UBE2W: variants seen among roughly 807,000 people sequenced by gnomAD.
UBE2W encodes the protein ubiquitin conjugating enzyme E2 W.
In UBE2W, 18 loss-of-function variants were observed where a neutral mutation model predicts 27.2. The ratio of observed to expected loss-of-function variants is 0.66; its 90% confidence interval spans 0.46 to 0.98. The LOEUF is 0.98. UBE2W is among the 50% of genes least tolerant of loss of function. UBE2W has a pLI of 0.00. For synonymous variants in UBE2W, 53 were observed against 57.2 expected (o/e 0.93, Z 0.33); for missense variants, 90 against 180.2 (o/e 0.50, Z 2.87).
At chr8:73,856,357 ATTTTTTT>A (rs34593904) in intron 1 of UBE2W, among the ~76,000 whole-genome samples, 1 of 89,344 alleles carries the variant, frequency 1.1e-5, no homozygotes, top group Non-Finnish European at 2.0e-5. Flanking sequence ...ACACTTATGA[ATTTTTTT>A]TTTTTTTTTT....
chr8:73,785,922 G>A (rs1807941631), downstream of UBE2W, among the ~76,000 whole-genome samples: 1 of 152,178 alleles, frequency 6.6e-6, no homozygotes, highest in African/African-American at 2.4e-5. Flanking sequence ...TTGATAATCA[G>A]AAACTATCTG....
chr8:73,842,155 A>G (rs572419577), intron 1 of UBE2W, among the ~76,000 whole-genome samples: 1 of 152,304 alleles, frequency 6.6e-6, no homozygotes, highest in South Asian at 2.1e-4. Flanking sequence ...TTCACTGTAA[A>G]CAAAATCTAG....
At chr8:73,804,327 C>T (rs1174876270) in intron 5 of UBE2W, among the ~76,000 whole-genome samples, 4 of 149,884 alleles carry the variant, frequency 2.7e-5, no homozygotes, top group African/African-American at 9.8e-5. Context: ...AGGCAATACT[C>T]TTATGTATAC....
At chr8:73,814,187 C>G (rs1347866188) in intron 3 of UBE2W, among the ~76,000 whole-genome samples, 2 of 152,270 alleles carry the variant, frequency 1.3e-5, no homozygotes, top group African/African-American at 2.4e-5. Context: ...AGTTTTTTAA[C>G]TCAGTCAAGT....
Position 73,787,368 on chromosome 8 carries a change from TTAAAC to T in UBE2W, c.*6729_*6733del, listed in dbSNP as rs564038561. On this transcript the variant is annotated 3_prime_UTR_variant, in exon 6 of 6. Coordinates refer to ENST00000602593, the MANE Select transcript of UBE2W (RefSeq NM_018299.6). Reference sequence around the variant, plus strand: ...AACAGAGTCACTTATCCAGGGTAGCTTAAACTAATGGAGAAAAGTCAAATCCTACT... The same window carrying T: ...AACAGAGTCACTTATCCAGGGTAGCTTAATGGAGAAAAGTCAAATCCTACT... 32 of 985,364 alleles carry T rather than the reference TTAAAC, an allele frequency of 3.2e-5. No individual in the cohort carries two copies. The East Asian group carries it at 1.6e-3, about 49-fold the overall frequency. 61.0% of individuals were successfully genotyped at this position (985,364 alleles called of 1,614,324 possible).
In UBE2W at chr8:73,786,605, T is replaced by C; in HGVS notation, c.*7497A>G. 1.0e-6 allele frequency: 1 copy of C among 985,422 alleles called. No homozygotes were observed. Among genetic ancestry groups the C allele is most frequent in the Non-Finnish European group, 1.2e-6 (1 of 829,936 alleles). 61.0% of individuals were successfully genotyped at this position (985,422 alleles called of 1,614,324 possible). ...ACCTTTCAGGTAGAAACGCAGATCA[T>C]GAACATTCTAGGAGGGAAGAACATT... On this transcript the variant is annotated 3_prime_UTR_variant, in exon 6 of 6. Coordinates refer to ENST00000602593, the MANE Select transcript of UBE2W (RefSeq NM_018299.6).
intron 1 of UBE2W, among the ~76,000 whole-genome samples, chr8:73,847,552 A>T (rs1045116241): frequency 6.6e-6 from 1 of 152,216 alleles, no homozygotes; most frequent in African/African-American, 2.4e-5. Flanking sequence ...TAGCAGCATT[A>T]TATGTGACCA....
chr8:73,794,522 T>C (rs893027097), intron 5 of UBE2W, among the ~76,000 whole-genome samples: 2 of 152,186 alleles, frequency 1.3e-5, no homozygotes, highest in African/African-American at 4.8e-5. Context: ...CAATTTGTCT[T>C]TAGACTGTGA....
rs1586489787 is a variant in UBE2W at position 73,830,238 on chromosome 8, GCA to G, written c.107+141_107+142del. ...AACAAAATTGATTATATATATAAAT[GCA>G]CAGAATAAGATCTGTTTACTCTATT... On this transcript the variant is annotated intron_variant, in intron 2 of 5. Transcript: ENST00000602593. 6 of 554,656 alleles carry G rather than the reference GCA, an allele frequency of 1.1e-5. No individual in the cohort carries two copies. The East Asian group carries it at 1.9e-4, about 17-fold the overall frequency. 34.4% of individuals were successfully genotyped at this position (554,656 alleles called of 1,614,324 possible).
At chr8:73,820,728 C>A (rs370272827) in intron 3 of UBE2W, among the ~76,000 whole-genome samples, 49 of 151,084 alleles carry the variant, frequency 3.2e-4, no homozygotes, top group African/African-American at 1.2e-3. Flanking sequence ...GGCAACAGAG[C>A]GAGACTCTGT....
chr8:73,837,921 A>G (rs189568085), intron 1 of UBE2W, among the ~76,000 whole-genome samples: 4 of 152,140 alleles, frequency 2.6e-5, no homozygotes, highest in African/African-American at 7.2e-5. Flanking sequence ...TCATTCCAGA[A>G]GAGGCTGTTT....
intron 2 of UBE2W, among the ~76,000 whole-genome samples, chr8:73,827,299 C>T (rs1247353123): frequency 1.3e-5 from 2 of 152,050 alleles, no homozygotes; most frequent in Non-Finnish European, 2.9e-5. Flanking sequence ...CCGCAACCTC[C>T]GCCTCCTGGG....
intron 3 of UBE2W, 103 bp from the exon 4 acceptor site, chr8:73,810,732 C>A (rs1809116959): frequency 2.2e-6 from 2 of 912,178 alleles, no homozygotes; most frequent in Non-Finnish European, 3.0e-6. Context: ...AAACAAAAAA[C>A]CACCAAAATC....
In UBE2W at chr8:73,787,548, G is replaced by C; in HGVS notation, c.*6554C>G. On this transcript the variant is annotated 3_prime_UTR_variant, in exon 6 of 6. Transcript: ENST00000602593. ...ACATGATCGTTTTTATGGCAGAATG[G>C]CTGCCTCAATGAGGACTAAGGTGCT... 1.0e-6 allele frequency: 1 copy of C among 985,416 alleles called. No homozygotes were observed. The highest frequency in any genetic ancestry group is 4.7e-5 in the South Asian group (1 of 21,286). 61.0% of individuals were successfully genotyped at this position (985,416 alleles called of 1,614,324 possible). A position where few individuals can be genotyped will look rare whatever the true frequency, so the allele number is the denominator to read the frequency against.
intron 1 of UBE2W, among the ~76,000 whole-genome samples, chr8:73,864,630 G>A (rs2130979079): frequency 6.6e-6 from 1 of 151,832 alleles, no homozygotes; most frequent in Middle Eastern, 3.4e-3. Context: ...GGAGTGCAAT[G>A]GCATGATCTT....
chr8:73,806,304 T>C (rs952030034), intron 4 of UBE2W, among the ~76,000 whole-genome samples: 14 of 151,930 alleles, frequency 9.2e-5, no homozygotes, highest in Middle Eastern at 3.2e-3. Flanking sequence ...AGCAGGAGAA[T>C]TGCTTGAACC....
At chr8:73,808,370 G>A (rs749627687) in intron 4 of UBE2W, among the ~76,000 whole-genome samples, 161 of 152,184 alleles carry the variant, frequency 1.1e-3, no homozygotes, top group Non-Finnish European at 2.0e-3. Flanking sequence ...AAGTAGCTGG[G>A]ACTACAGGCA....
At chr8:73,847,351 T>C (rs1810855046) in intron 1 of UBE2W, among the ~76,000 whole-genome samples, 1 of 152,162 alleles carries the variant, frequency 6.6e-6, no homozygotes, top group South Asian at 2.1e-4. Flanking sequence ...AAGACCAGCT[T>C]GGTAGGTATG....
downstream of UBE2W, among the ~76,000 whole-genome samples, chr8:73,785,435 G>A (rs1807920773): frequency 6.6e-6 from 1 of 152,132 alleles, no homozygotes; most frequent in Admixed American, 6.5e-5. Flanking sequence ...AAGCCATCAT[G>A]CCTAGCCCAT....
Sources: gnomAD v4.1 joint callset for allele counts (sites outside exome capture counted in the v4.1 genomes callset) on GRCh38, gnomAD v4.1.1 for gene constraint, MANE v1.5 for transcripts, NCBI Gene and HGNC (gene_info 2026-07-23, HGNC 2026-07-21) for gene names.